COMMD1: variants seen among roughly 807,000 people sequenced by gnomAD.
COMMD1 encodes the protein COMM domain-containing protein 1.
In COMMD1, 10 loss-of-function variants were observed where a neutral mutation model predicts 17.2. The ratio of observed to expected loss-of-function variants is 0.58; its 90% CI spans 0.36 to 0.99. COMMD1 has a LOEUF of 0.99. Among genes scored for constraint, COMMD1 ranks in the 50% least tolerant of loss-of-function variants. The pLI is 0.01. For synonymous variants in COMMD1, 97 were observed against 91.6 expected, an observed-to-expected ratio of 1.06 and a Z score of -0.34; for missense variants, 270 against 231.8, an observed-to-expected ratio of 1.17 and a Z score of -1.07.
chr2:62,111,038 C>T (rs1420636410), intron 2 of COMMD1, among the ~76,000 whole-genome samples: 2 of 152,158 alleles, frequency 1.3e-5, no homozygotes, highest in African/African-American at 4.8e-5. Context: ...TTTGTGTATT[C>T]CCTATTGATT....
intron 2 of COMMD1, among the ~76,000 whole-genome samples, chr2:62,015,275 A>G (rs890734677): frequency 2.0e-5 from 3 of 152,122 alleles, no homozygotes; most frequent in Non-Finnish European, 4.4e-5. Context: ...GAACCACACA[A>G]TATTTGTCCT....
In COMMD1 at chr2:62,000,807, A is replaced by G. The variant is rs371373222; in HGVS notation, c.287A>G (p.Lys96Arg). Reference protein sequence around the residue: ...ITSDQAAVISKFWKSHKTKIR... With the variant: ...ITSDQAAVISRFWKSHKTKIR... ...TCTGACCAAGCTGCTGTCATTTCCA[A>G]ATTCTGGAAGAGCCACAAGACAAAA... The change falls in exon 2 of 3, where the codon AAA becomes AGA. Residue 96 changes from lysine (K) to arginine (R), a missense_variant. Transcript: ENST00000311832. 20 of 1,614,002 alleles carry G rather than the reference A, an allele frequency of 1.2e-5. No individual in the cohort carries two copies. In the African/African-American group the frequency reaches 2.5e-4, roughly 20 times the overall value.
rs543735857 is a variant in COMMD1 at position 62,097,934 on chromosome 2, T to C, written c.463-37897T>C. ...CCCTATTCTGGTTTTTGAGTTGTTC[T>C]GGTGCCTTCCTCTGGGGCCCTTTGC... On this transcript the variant is annotated intron_variant, in intron 2 of 2. Coordinates refer to ENST00000311832, the MANE Select transcript of COMMD1 (RefSeq NM_152516.4). 2.4e-4 allele frequency among the ~76,000 whole-genome samples: 37 copies of C among 152,336 alleles called. 1 individual carries two copies. The highest frequency in any genetic ancestry group is 2.1e-4 in the South Asian group (1 of 4,828).
At chr2:62,048,707 G>A (rs1272826603) in intron 2 of COMMD1, among the ~76,000 whole-genome samples, 1 of 151,252 alleles carries the variant, frequency 6.6e-6, no homozygotes, top group Non-Finnish European at 1.5e-5. Flanking sequence ...TTTAATTGAT[G>A]TATAATTGGC....
At chr2:61,930,731 T>G (rs993210198) in intron 1 of COMMD1, among the ~76,000 whole-genome samples, 1 of 151,858 alleles carries the variant, frequency 6.6e-6, no homozygotes, top group Non-Finnish European at 1.5e-5. Flanking sequence ...TTAGATGTTA[T>G]GTCACCTGGA....
In COMMD1 at chr2:62,001,095, C is replaced by T. The variant is rs55996335; in HGVS notation, c.462+113C>T. On this transcript the variant is annotated intron_variant, in intron 2 of 2. Coordinates refer to ENST00000311832, the MANE Select transcript of COMMD1 (RefSeq NM_152516.4). ...ACAGCAACAGGAAAAGACACTGTTT[C>T]CTAGAATCCTTTTTCAGAGGTAGAA... The T allele has an allele frequency of 1.8e-3, 1,888 of 1,043,064 alleles. 3 individuals carry two copies. Among genetic ancestry groups the T allele is most frequent in the Non-Finnish European group, 2.2e-3 (1,571 of 699,002 alleles). 64.6% of individuals were successfully genotyped at this position (1,043,064 alleles called of 1,614,324 possible).
intron 2 of COMMD1, among the ~76,000 whole-genome samples, chr2:62,033,350 C>G (rs1239088989): frequency 6.6e-6 from 1 of 152,154 alleles, no homozygotes; most frequent in African/African-American, 2.4e-5. Flanking sequence ...TTTTACTTAC[C>G]TTTCTCCTCA....
intron 2 of COMMD1, among the ~76,000 whole-genome samples, chr2:62,110,116 C>T (rs1672417787): frequency 1.3e-5 from 2 of 151,926 alleles, no homozygotes; most frequent in Non-Finnish European, 2.9e-5. Flanking sequence ...GGGTCTCTTG[C>T]CCAGGCTGAG....
At chr2:61,952,803 T>C (rs1671092868) in intron 1 of COMMD1, among the ~76,000 whole-genome samples, 1 of 152,248 alleles carries the variant, frequency 6.6e-6, no homozygotes, top group African/African-American at 2.4e-5. Context: ...TGGGCGATTA[T>C]GTTTCTATGG....
At chr2:62,035,966 A>G (rs139630574) in intron 2 of COMMD1, among the ~76,000 whole-genome samples, 8 of 151,600 alleles carry the variant, frequency 5.3e-5, no homozygotes, top group Admixed American at 1.3e-4. Context: ...AGGTGGGAGG[A>G]TGTCTGGATC....
chr2:62,065,364 T>G (rs1417940815), intron 2 of COMMD1, among the ~76,000 whole-genome samples: 1 of 81,870 alleles, frequency 1.2e-5, no homozygotes, highest in Non-Finnish European at 2.4e-5. Context: ...TTTTTTTTTT[T>G]AGATAGGGTC....
upstream of COMMD1, among the ~76,000 whole-genome samples, chr2:61,904,385 G>A (rs1669723628): frequency 6.6e-6 from 1 of 152,228 alleles, no homozygotes; most frequent in African/African-American, 2.4e-5. Context: ...AGTGAGGAAA[G>A]AGTGTTTTTT....
chr2:62,075,233 A>T (rs561551678), intron 2 of COMMD1, among the ~76,000 whole-genome samples: 1 of 152,168 alleles, frequency 6.6e-6, no homozygotes, highest in African/African-American at 2.4e-5. Flanking sequence ...GTCAGTGTTC[A>T]AAAAAACAGA....
intron 1 of COMMD1, among the ~76,000 whole-genome samples, chr2:61,914,857 A>G (rs1250049592): frequency 6.6e-6 from 1 of 151,024 alleles, no homozygotes; most frequent in African/African-American, 2.4e-5. Flanking sequence ...CGCCTGGCTA[A>G]ATTTTGTGCT....
At chr2:61,998,093 A>G (rs1668813751) in intron 1 of COMMD1, among the ~76,000 whole-genome samples, 1 of 152,132 alleles carries the variant, frequency 6.6e-6, no homozygotes, top group Non-Finnish European at 1.5e-5. Flanking sequence ...TCTTCTGTAA[A>G]CTTTCTCACC....
chr2:61,960,472 C>G (rs999857638), intron 1 of COMMD1, among the ~76,000 whole-genome samples: 4 of 152,136 alleles, frequency 2.6e-5, no homozygotes, highest in African/African-American at 7.2e-5. Context: ...GCGATAGTTT[C>G]CTTTCATCTG....
At chr2:62,090,734 A>G (rs1671802687) in intron 2 of COMMD1, 1 of 152,182 alleles carries the variant, frequency 6.6e-6, no homozygotes, top group African/African-American at 2.4e-5. Flanking sequence ...TTAGAGGCCA[A>G]GTTTGAGAAG....
intron 1 of COMMD1, among the ~76,000 whole-genome samples, chr2:61,897,847 G>A (rs2105160474): frequency 6.6e-6 from 1 of 152,080 alleles, no homozygotes; most frequent in African/African-American, 2.4e-5. Context: ...CTAGGCTCCT[G>A]GTTCCATTCT....
chr2:62,000,578 C>A, intron 1 of COMMD1, 123 bp from the exon 2 acceptor site: 1 of 951,254 alleles, frequency 1.1e-6, no homozygotes, highest in East Asian at 2.6e-5. Context: ...AGGTGTGAGC[C>A]ATTGTGTCTG....
Sources: gnomAD v4.1 joint callset for allele counts (sites outside exome capture counted in the v4.1 genomes callset) on GRCh38, gnomAD v4.1.1 for gene constraint, MANE v1.5 for transcripts, NCBI Gene and HGNC (gene_info 2026-07-23, HGNC 2026-07-21) for gene names.